Variants in EPRS1 observed in about 807,000 individuals in gnomAD.
The protein encoded by EPRS1 is glutamyl-prolyl-tRNA synthetase 1.
A neutral mutation model predicts 188.3 loss-of-function variants in EPRS1; 107 were observed. That is an observed-to-expected ratio of 0.57 (90% CI 0.49 to 0.67). EPRS1 has a LOEUF of 0.67. EPRS1 is among the 30% of genes least tolerant of loss of function. The probability of loss-of-function intolerance (pLI) is 0.00; values close to 1 mark genes in which losing one functional copy is unlikely to be tolerated. For missense variants in EPRS1, 1,577 were observed against 1,802.2 expected, an observed-to-expected ratio of 0.88 and a Z score of 2.26; for synonymous variants, 596 against 593.1, an observed-to-expected ratio of 1.00 and a Z score of -0.07.
chr1:220,036,224 A>C (rs112560902), intron 2 of EPRS1, among the ~76,000 whole-genome samples: 1 of 152,278 alleles, frequency 6.6e-6, no homozygotes, highest in African/African-American at 2.4e-5. Context: ...AAAACCACAC[A>C]CTGTTGGTGG....
intron 17 of EPRS1, among the ~76,000 whole-genome samples, chr1:219,999,567 C>T (rs1278572633): frequency 2.0e-5 from 3 of 152,086 alleles, no homozygotes; most frequent in Admixed American, 6.6e-5. Flanking sequence ...GTCTTATTAC[C>T]CTGCCACTGT....
At chr1:219,994,652 T>C (rs1208963652) in intron 18 of EPRS1, among the ~76,000 whole-genome samples, 3 of 5,888 alleles carry the variant, frequency 5.1e-4, no homozygotes, top group East Asian at 0.028. Context: ...TTTTTTTTTT[T>C]TTTTTTTTTT....
chr1:219,988,146 A>G (rs538388352), intron 19 of EPRS1, among the ~76,000 whole-genome samples: 2 of 152,220 alleles, frequency 1.3e-5, no homozygotes, highest in Admixed American at 6.5e-5. Flanking sequence ...TCCTAAAAAG[A>G]TAACAGAATT....
rs942444576 is a variant in EPRS1, at chr1:220,018,811, A to T, written c.1434+184T>A. Among the ~76,000 whole-genome samples the T allele has an allele frequency of 3.4e-4, 49 of 144,050 alleles. 1 individual carries two copies. Among genetic ancestry groups the T allele is most frequent in the Non-Finnish European group, 6.7e-4 (45 of 66,708 alleles). The allele number at this position is 144,050 out of a possible 152,430, so 94.5% of individuals were successfully genotyped here. ...AGGACATTTTCAATTTTTCACTATT[A>T]TAAGCAGTGATAAACTTTAAAAAAA... is the stretch of plus-strand genomic sequence containing the variant. On this transcript the variant is annotated intron_variant, in intron 11 of 31. Transcript: ENST00000366923.
chr1:220,010,467 A>G (rs1364349015), intron 13 of EPRS1, among the ~76,000 whole-genome samples: 1 of 152,218 alleles, frequency 6.6e-6, no homozygotes, highest in Non-Finnish European at 1.5e-5. Flanking sequence ...AAGGCAAAAA[A>G]TCCAAAAAAG....
chr1:220,044,681 C>CAAAAAAAAAAAAAAAAAAA lies in EPRS1; in HGVS notation c.46+1643_46+1661dup, dbSNP rs71560597. Among the ~76,000 whole-genome samples the CAAAAAAAAAAAAAAAAAAA allele has an allele frequency of 9.1e-5, 8 of 88,342 alleles. 1 individual carries two copies. The highest frequency in any genetic ancestry group is 2.9e-4 in the African/African-American group (7 of 24,120). The allele number at this position is 88,342 out of a possible 152,430, so 58.0% of individuals were successfully genotyped here. A position where few individuals can be genotyped will look rare whatever the true frequency, so the allele number is the denominator to read the frequency against. On this transcript the variant is annotated intron_variant, in intron 1 of 31. Coordinates refer to ENST00000366923, the MANE Select transcript of EPRS1 (RefSeq NM_004446.3). ...CAGAGGTTGCAATGAGCTCGGTCTC[C>CAAAAAAAAAAAAAAAAAAA]AAAAAAAAAAAAAAAAAAAAAAAAA...
chr1:220,001,148 G>T lies in EPRS1; in HGVS notation c.2171C>A (p.Thr724Lys). ...GSKEKTKVEA[T>K]KNETSAPFKE... The stretch of plus-strand genomic sequence containing the variant: ...CGTAAAAGTCATTACCTCATTTTTT[G>T]TGGCTTCTACTTTGGTCTTTTCCTT... Residue 724 changes from threonine to lysine, a missense_variant, in exon 17 of 32, where the codon ACA (threonine) becomes AAA (lysine). Coordinates refer to ENST00000366923, the MANE Select transcript of EPRS1 (RefSeq NM_004446.3). The T allele has an allele frequency of 6.3e-7, 1 of 1,597,924 alleles. No homozygotes were observed. Among genetic ancestry groups the T allele is most frequent in the Non-Finnish European group, 8.6e-7 (1 of 1,165,736 alleles).
At chr1:220,010,803 C>A (rs1420770436) in intron 13 of EPRS1, 143 bp downstream of exon 13, 22 of 481,492 alleles carry the variant, frequency 4.6e-5, no homozygotes, top group South Asian at 4.1e-4. Context: ...AGCAAGACTA[C>A]GTCTCAAAAA....
At chr1:220,006,893 C>G (rs1345162588) in intron 14 of EPRS1, among the ~76,000 whole-genome samples, 2 of 152,024 alleles carry the variant, frequency 1.3e-5, no homozygotes, top group African/African-American at 4.8e-5. Flanking sequence ...TAAAAGATCC[C>G]CATGTCATGC....
At chr1:220,002,447 GC>G (rs1558051569) in intron 16 of EPRS1, among the ~76,000 whole-genome samples, 1 of 152,154 alleles carries the variant, frequency 6.6e-6, no homozygotes, top group African/African-American at 2.4e-5. Flanking sequence ...TGCTATGCCT[GC>G]CACTAGAAAG....
At chr1:220,018,003 C>G (rs1661755935) in intron 12 of EPRS1, 10 of 461,706 alleles carry the variant, frequency 2.2e-5, no homozygotes, top group South Asian at 1.9e-4. Flanking sequence ...ATTTTCAATG[C>G]GTTTGTATAA....
At chr1:220,026,091 C>T (rs939051786) in intron 6 of EPRS1, among the ~76,000 whole-genome samples, 6 of 152,156 alleles carry the variant, frequency 3.9e-5, no homozygotes, top group African/African-American at 1.4e-4. Flanking sequence ...CCGCACCCAG[C>T]CAAAAGATTA....
intron 1 of EPRS1, 123 bp downstream of exon 1, chr1:220,046,220 G>C: frequency 8.5e-7 from 1 of 1,169,880 alleles, no homozygotes; most frequent in South Asian, 1.4e-5. Flanking sequence ...CTGGGGCGAG[G>C]GGCAGGTCCA....
intron 24 of EPRS1, 68 bp from the exon 25 acceptor site, chr1:219,980,925 G>C: frequency 9.8e-7 from 1 of 1,023,760 alleles, no homozygotes; most frequent in South Asian, 1.4e-5. Context: ...TTGGAGACAG[G>C]GTCTTGCTCT....
In EPRS1 at chr1:219,978,927, C is replaced by T. The variant is rs577483869; in HGVS notation, c.3910-208G>A. On this transcript the variant is annotated intron_variant, in intron 27 of 31. Coordinates refer to ENST00000366923, the MANE Select transcript of EPRS1 (RefSeq NM_004446.3). ...TCTGACCCACTATATTTCACTTAAT[C>T]TATTTTTCATATGTGTGTGTATATA... 4.7e-5 allele frequency among the ~76,000 whole-genome samples: 7 copies of T among 148,358 alleles called. No homozygotes were observed. The South Asian group carries it at 1.5e-3, about 32-fold the overall frequency.
At chr1:219,995,291 A>G (rs2647468) in intron 18 of EPRS1, among the ~76,000 whole-genome samples, 95,718 of 152,078 alleles carry the variant, frequency 0.63, 31,976 homozygotes, top group Non-Finnish European at 0.75. Flanking sequence ...TGATGGATTC[A>G]TAGTTGACTG....
chr1:219,979,990 T>TAA (rs3835619), intron 26 of EPRS1, 95 bp downstream of exon 26: 846,156 of 1,026,086 alleles, frequency 0.82, 350,309 homozygotes, highest in East Asian at 0.9. Context: ...ACTTATTTTT[T>TAA]AAGAGTCTAC....
intron 15 of EPRS1, among the ~76,000 whole-genome samples, chr1:220,005,825 T>TG (rs1481755257): frequency 7.7e-5 from 3 of 39,024 alleles, no homozygotes; most frequent in African/African-American, 4.0e-4. Flanking sequence ...TCGTTTTTTT[T>TG]TTTGTTTTTT....
At position 219,979,286 on chromosome 1, in the gene EPRS1, G is replaced by A. The variant is rs1157255634; in HGVS notation, c.3909+132C>T. 7 of 641,892 alleles carry A rather than the reference G, an allele frequency of 1.1e-5. No homozygotes were observed. In the African/African-American group the frequency reaches 1.1e-4, roughly 10 times the overall value. 39.8% of individuals were successfully genotyped at this position (641,892 alleles called of 1,614,324 possible). On this transcript the variant is annotated intron_variant, in intron 27 of 31. Transcript: ENST00000366923. ...GTCACAAAACACTAGGGTCCAGACT[G>A]CATTCCACGTTGTTTTTATTATCAG...
Sources: gnomAD v4.1 joint callset for allele counts (sites outside exome capture counted in the v4.1 genomes callset) on GRCh38, gnomAD v4.1.1 for gene constraint, MANE v1.5 for transcripts, NCBI Gene and HGNC (gene_info 2026-07-23, HGNC 2026-07-21) for gene names.